FARP1: variants seen among roughly 807,000 people sequenced by gnomAD.
FARP1 encodes the protein FERM, ARH/RhoGEF and pleckstrin domain protein 1, also known as FERM, ARHGEF and pleckstrin domain-containing protein 1.
A neutral mutation model predicts 128.8 loss-of-function variants in FARP1; 52 were observed. That is an observed-to-expected ratio of 0.40 (90% CI 0.32 to 0.51). The LOEUF (loss-of-function observed/expected upper bound fraction) is 0.51. FARP1 is among the 20% of genes least tolerant of loss of function. The pLI is 0.45. For synonymous variants in FARP1, 580 were observed against 551.8 expected, an observed-to-expected ratio of 1.05 and a Z score of -0.72; for missense variants, 1,333 against 1,367.9, an observed-to-expected ratio of 0.97 and a Z score of 0.40.
At chr13:98,399,652 T>A (rs1381577509) in intron 13 of FARP1, 1 of 152,166 alleles carries the variant, frequency 6.6e-6, no homozygotes, top group Admixed American at 6.5e-5. Context: ...CCTGACTCAA[T>A]AGGGGACCCA....
intron 1 of FARP1, among the ~76,000 whole-genome samples, chr13:98,164,288 GGGTGACGGAACATCT>G (rs140469822): frequency 0.036 from 5,457 of 152,204 alleles, 306 homozygotes; most frequent in African/African-American, 0.12. Context: ...ACCATATGGC[GGGTGACGGAACATCT>G]GGACTGTTTA....
chr13:98,206,399 T>C (rs769616524), intron 1 of FARP1, among the ~76,000 whole-genome samples: 4 of 152,198 alleles, frequency 2.6e-5, no homozygotes, highest in Non-Finnish European at 5.9e-5. Context: ...AAGCTGTTAC[T>C]GTGAATCTGC....
chr13:98,152,433 A>C (rs1419332229), intron 1 of FARP1, among the ~76,000 whole-genome samples: 2 of 152,196 alleles, frequency 1.3e-5, no homozygotes, highest in African/African-American at 4.8e-5. Context: ...AGGAGACCCA[A>C]AGACTAGATG....
At chr13:98,196,112 C>T (rs1879555376) in intron 1 of FARP1, among the ~76,000 whole-genome samples, 1 of 152,156 alleles carries the variant, frequency 6.6e-6, no homozygotes, top group Non-Finnish European at 1.5e-5. Flanking sequence ...CCTGAGGCAT[C>T]CTCAGTAGCT....
At chr13:98,213,993 A>G (rs1345837189) in intron 2 of FARP1, among the ~76,000 whole-genome samples, 2 of 152,162 alleles carry the variant, frequency 1.3e-5, no homozygotes, top group Non-Finnish European at 2.9e-5. Context: ...GCCATATGGC[A>G]GCCCTAGAGA....
intron 11 of FARP1, 22 bp downstream of exon 11, chr13:98,390,902 C>T: frequency 6.4e-7 from 1 of 1,554,664 alleles, no homozygotes; most frequent in Non-Finnish European, 8.9e-7. Flanking sequence ...TTCAATGCTA[C>T]TTCCAGTCTG....
intron 1 of FARP1, among the ~76,000 whole-genome samples, chr13:98,171,550 C>A (rs762546983): frequency 7.2e-5 from 11 of 152,134 alleles, no homozygotes; most frequent in Non-Finnish European, 1.5e-4. Flanking sequence ...TATTTACTGG[C>A]ATTTTTGTAG....
Position 98,343,778 on chromosome 13 carries a change from A to G in FARP1, c.188A>G (p.Lys63Arg), listed in dbSNP as rs759911558. 1 of 1,613,904 alleles carries G rather than the reference A, an allele frequency of 6.2e-7. No individual in the cohort carries two copies. The highest frequency in any genetic ancestry group is 8.5e-7 in the Non-Finnish European group (1 of 1,179,758). The change falls in exon 3 of 27, where the codon AAG becomes AGG. Residue 63 changes from lysine to arginine, a missense_variant. Coordinates refer to ENST00000319562, the MANE Select transcript of FARP1 (RefSeq NM_005766.4). ...TGCTCACAGCAAAGAGCTCCTGGGA[A>G]GGTGCTGCTGGATGCAGTTTGCAAC... ...AFEVPQRAPGKVLLDAVCNHL... is the reference protein window; with the variant it reads ...AFEVPQRAPGRVLLDAVCNHL...
rs373663682 is a variant in FARP1, at chr13:98,281,357, A to G, written c.172-62405A>G. ...TCTCCAGCCTGGGCAACAGAGCAAG[A>G]CTCTGTCTTGGAGGGAAAAAAAAAA... is the stretch of plus-strand genomic sequence containing the variant. On this transcript the variant is annotated intron_variant, in intron 2 of 26. Transcript: ENST00000319562. Among the ~76,000 whole-genome samples, 38 of 143,572 alleles carry G rather than the reference A, an allele frequency of 2.6e-4. 1 individual carries two copies. The South Asian group carries it at 9.0e-3, about 34-fold the overall frequency. 94.2% of individuals were successfully genotyped at this position (143,572 alleles called of 152,430 possible).
At chr13:98,404,492 T>C (rs1184992082) in intron 13 of FARP1, 1 of 152,242 alleles carries the variant, frequency 6.6e-6, no homozygotes, top group Non-Finnish European at 1.5e-5. Context: ...CCCTTTTTTT[T>C]GATAACTGGC....
At chr13:98,226,738 G>T (rs1566766014) in intron 2 of FARP1, among the ~76,000 whole-genome samples, 1 of 152,100 alleles carries the variant, frequency 6.6e-6, no homozygotes, top group Non-Finnish European at 1.5e-5. Flanking sequence ...ACTGAAGTAC[G>T]GGTGGCCATA....
In FARP1 at chr13:98,450,339, A is replaced by G. The variant is rs2139208680; in HGVS notation, c.*2022A>G. ...CTGTTTTTAAAGGAGGGAAATATAAAAAATGTTTATAAACTGACAGTGTTT... is the reference window on the plus strand; with the variant it reads ...CTGTTTTTAAAGGAGGGAAATATAAGAAATGTTTATAAACTGACAGTGTTT... On this transcript the variant is annotated 3_prime_UTR_variant, in exon 27 of 27. Coordinates refer to ENST00000319562, the MANE Select transcript of FARP1 (RefSeq NM_005766.4). The G allele has an allele frequency of 6.6e-6, 1 of 152,362 alleles. No individual in the cohort carries two copies. The highest frequency in any genetic ancestry group is 1.9e-4 in the East Asian group (1 of 5,186). 9.4% of individuals were successfully genotyped at this position (152,362 alleles called of 1,614,324 possible).
chr13:98,204,097 A>G (rs1043635851), intron 1 of FARP1: 2 of 152,242 alleles, frequency 1.3e-5, no homozygotes, highest in African/African-American at 4.8e-5. Flanking sequence ...CTAGCCAGCC[A>G]GGTTAGCTAG....
intron 1 of FARP1, among the ~76,000 whole-genome samples, chr13:98,144,067 T>TTTTTTTA (rs148955796): frequency 0.2 from 30,183 of 151,788 alleles, 5,835 homozygotes; most frequent in African/African-American, 0.51. Context: ...AGGGCAAAGT[T>TTTTTTTA]TTTTTTATTT....
At chr13:98,441,943 T>TA (rs1225023001) in intron 24 of FARP1, among the ~76,000 whole-genome samples, 1 of 135,800 alleles carries the variant, frequency 7.4e-6, no homozygotes, top group African/African-American at 2.5e-5. Flanking sequence ...GCCCATTCCC[T>TA]AAGCATTCTT....
At chr13:98,393,742 A>T in intron 12 of FARP1, 24 bp downstream of exon 12, 2 of 1,585,492 alleles carry the variant, frequency 1.3e-6, no homozygotes, top group Non-Finnish European at 1.7e-6. Context: ...CTGTCCTATG[A>T]TAACTCTGCT....
intron 1 of FARP1, among the ~76,000 whole-genome samples, chr13:98,194,979 C>T (rs1879480374): frequency 6.6e-6 from 1 of 152,212 alleles, no homozygotes; most frequent in Non-Finnish European, 1.5e-5. Context: ...TTGTTTTTGG[C>T]AGATGCTTCA....
chr13:98,214,119 A>G (rs915450212), intron 2 of FARP1, among the ~76,000 whole-genome samples: 1 of 151,604 alleles, frequency 6.6e-6, no homozygotes, highest in Admixed American at 6.6e-5. Flanking sequence ...AGCCGCTGGA[A>G]CCTCTGGTGC....
Position 98,395,378 on chromosome 13 carries a change from A to T in FARP1, c.1316A>T (p.Gln439Leu). ...AGGAGAAGCCCCGCGGGTAACAAGC[A>T]GGCGGACGGAGCCGCCTCGGCGCCC... ...APRRSPAGNKQADGAASAPTE... is the reference protein window; with the variant it reads ...APRRSPAGNKLADGAASAPTE... The change falls in exon 13 of 27, where the codon CAG becomes CTG. Residue 439 changes from glutamine to leucine, a missense_variant. Gln to Leu is a moderately radical substitution (Grantham distance 113, BLOSUM62 -2). This residue lies in a region of FARP1 where 1,009 missense variants were observed against 969.8 expected (regional missense o/e 1.04). Transcript: ENST00000319562. 6.2e-7 allele frequency: 1 copy of T among 1,611,808 alleles called. No individual in the cohort carries two copies. Among genetic ancestry groups the T allele is most frequent in the Non-Finnish European group, 8.5e-7 (1 of 1,179,096 alleles).
Sources: allele counts gnomAD v4.1 joint callset (sites outside exome capture counted in the v4.1 genomes callset), GRCh38; gene constraint gnomAD v4.1.1; regional missense constraint gnomAD v4.1.1; transcripts MANE v1.5; gene names NCBI Gene and HGNC (gene_info 2026-07-23, HGNC 2026-07-21).